The following DDHD2 variants were observed in gnomAD, a reference collection of about 807,000 sequenced individuals.
The protein encoded by DDHD2 is triacylglycerol hydrolase DDHD2.
DDHD2 carries 62 observed loss-of-function variants against 91.2 expected under a neutral mutation model. The observed-to-expected ratio is 0.68, with a 90% CI of 0.55 to 0.84. DDHD2 has a LOEUF of 0.84. Among genes scored for constraint, DDHD2 ranks in the 40% least tolerant of loss-of-function variants. The probability of loss-of-function intolerance (pLI) is 0.00; values close to 1 mark genes in which losing one functional copy is unlikely to be tolerated. For missense variants in DDHD2, 740 were observed against 846.9 expected (o/e 0.87, Z 1.57); for synonymous variants, 271 against 293.9 (o/e 0.92, Z 0.80).
At chr8:38,264,671 C>T, downstream of DDHD2, 1 of 1,469,754 alleles carries the variant, frequency 6.8e-7, no homozygotes, top group South Asian at 1.4e-5. Context: ...ATACACATAG[C>T]ATAGAGGACC....
At position 38,260,147 on chromosome 8, in the gene DDHD2, T is replaced by G. The variant is rs955416775; in HGVS notation, c.*26T>G. The G allele has an allele frequency of 6.7e-7, 1 of 1,493,512 alleles. No homozygotes were observed. The highest frequency in any genetic ancestry group is 1.4e-5 in the African/African-American group (1 of 72,344). 92.5% of individuals were successfully genotyped at this position (1,493,512 alleles called of 1,614,324 possible). On this transcript the variant is annotated splice_region_variant and 3_prime_UTR_variant, in exon 17 of 18. Coordinates refer to ENST00000397166, the MANE Select transcript of DDHD2 (RefSeq NM_015214.3). ...AAATGACCCATCTATGGCTGCTTAATGTAAGTTTTAAAATGTCATATATAT... is the reference window on the plus strand; with the variant it reads ...AAATGACCCATCTATGGCTGCTTAAGGTAAGTTTTAAAATGTCATATATAT...
At chr8:38,270,270 G>A (rs535118795) in intron 1 of DDHD2, 1 of 152,162 alleles carries the variant, frequency 6.6e-6, no homozygotes, top group South Asian at 2.1e-4. Flanking sequence ...GATCTACAAA[G>A]TTTATTACAG....
downstream of DDHD2, chr8:38,266,043 C>G (rs1807533576): frequency 9.0e-7 from 1 of 1,114,574 alleles, no homozygotes; most frequent in Admixed American, 2.6e-5. Flanking sequence ...TTAATTTGTT[C>G]ATTCAGCAGA....
chr8:38,266,872 A>T (rs1434538854), downstream of DDHD2: 2 of 261,448 alleles, frequency 7.6e-6, no homozygotes, highest in Non-Finnish European at 1.4e-5. Context: ...TAGTTTCCTC[A>T]TCTATAAATG....
chr8:38,264,229 C>T (rs1032949633), downstream of DDHD2: 55 of 822,376 alleles, frequency 6.7e-5, no homozygotes, highest in Non-Finnish European at 8.3e-5. Flanking sequence ...CTCACTGGAA[C>T]CTCCAGCTCC....
In DDHD2 at chr8:38,238,221, C is replaced by G. The variant is rs185403049; in HGVS notation, c.622+12C>G. On this transcript the variant is annotated intron_variant, in intron 5 of 17. Transcript: ENST00000397166. Reference sequence around the variant, plus strand: ...TGACATTCATTGTGGTAATGTTAATCGTTTATTTTTTCTTACCTTTGGATG... The same window carrying G: ...TGACATTCATTGTGGTAATGTTAATGGTTTATTTTTTCTTACCTTTGGATG... 1 of 1,612,958 alleles carries G rather than the reference C, an allele frequency of 6.2e-7. No homozygotes were observed. The highest frequency in any genetic ancestry group is 8.5e-7 in the Non-Finnish European group (1 of 1,179,320).
At chr8:38,246,025 T>G in intron 8 of DDHD2, 75 bp downstream of exon 8, 2 of 1,433,038 alleles carry the variant, frequency 1.4e-6, no homozygotes, top group Non-Finnish European at 1.9e-6. Context: ...GCACAATGTC[T>G]TTTATCAGTA....
intron 3 of DDHD2, among the ~76,000 whole-genome samples, chr8:38,237,203 C>A (rs1416203432): frequency 1.3e-5 from 2 of 151,902 alleles, no homozygotes; most frequent in Non-Finnish European, 2.9e-5. Flanking sequence ...TGGCCAAACC[C>A]CGTATCTACT....
Position 38,245,722 on chromosome 8 carries a change from ATTATT to A in DDHD2, c.849-17_849-13del. 6 of 1,610,450 alleles carry A rather than the reference ATTATT, an allele frequency of 3.7e-6. No homozygotes were observed. Among genetic ancestry groups the A allele is most frequent in the Non-Finnish European group, 5.1e-6 (6 of 1,177,830 alleles). ...AAGTGTATTTAGGTTTCCTGCTTAT[ATTATT>A]TTTCCTTTTTTCAGAGATCTGCAGC... On this transcript the variant is annotated splice_polypyrimidine_tract_variant and intron_variant, in intron 7 of 17. Coordinates refer to ENST00000397166, the MANE Select transcript of DDHD2 (RefSeq NM_015214.3).
At chr8:38,235,662 G>T (rs1220728565) in intron 3 of DDHD2, among the ~76,000 whole-genome samples, 1 of 151,176 alleles carries the variant, frequency 6.6e-6, no homozygotes. Context: ...TGGAGGTTGT[G>T]GTGAGTGGAG....
intron 16 of DDHD2, among the ~76,000 whole-genome samples, chr8:38,256,261 T>C (rs1806502537): frequency 6.6e-6 from 1 of 152,202 alleles, no homozygotes; most frequent in South Asian, 2.1e-4. Context: ...GTATTTGGAA[T>C]CCTACAGTAT....
downstream of DDHD2, chr8:38,266,852 G>T: frequency 4.3e-6 from 1 of 233,176 alleles, no homozygotes; most frequent in South Asian, 8.4e-5. Context: ...GTATCAACTT[G>T]TTGATGCTTT....
chr8:38,256,387 A>G (rs1471320002), intron 16 of DDHD2, among the ~76,000 whole-genome samples: 1 of 151,790 alleles, frequency 6.6e-6, no homozygotes, highest in African/African-American at 2.4e-5. Flanking sequence ...ACTGTTGCCT[A>G]GATCTCTGGG....
chr8:38,255,954 C>T (rs1299278066), intron 16 of DDHD2, among the ~76,000 whole-genome samples: 2 of 152,108 alleles, frequency 1.3e-5, no homozygotes, highest in South Asian at 2.1e-4. Context: ...CAATAATGTA[C>T]GAAAGTGTGT....
Position 38,255,510 on chromosome 8 carries a change from A to G in DDHD2, c.2054+1792A>G, listed in dbSNP as rs1477102613. Among the ~76,000 whole-genome samples, 4 of 152,336 alleles carry G rather than the reference A, an allele frequency of 2.6e-5. No homozygotes were observed. The East Asian group carries it at 7.7e-4, about 29-fold the overall frequency. On this transcript the variant is annotated intron_variant, in intron 16 of 17. Transcript: ENST00000397166. ...TTCTTGCAATCAGTTTCTTCCCCAT[A>G]TACAACTAATGTAAAATGTCTTCCA... is the stretch of plus-strand genomic sequence containing the variant.
downstream of DDHD2, chr8:38,266,208 C>T (rs1807557326): frequency 1.7e-5 from 27 of 1,613,826 alleles, no homozygotes; most frequent in Non-Finnish European, 2.2e-5. Flanking sequence ...GTAGAGGTGA[C>T]AGAAAGGCAC....
downstream of DDHD2, chr8:38,264,313 T>G: frequency 1.2e-6 from 1 of 812,960 alleles, no homozygotes; most frequent in South Asian, 2.7e-5. Context: ...GGCTAATTTT[T>G]GTATTTTTAG....
exon 2 of DDHD2, chr8:38,271,293 A>T (rs1242195326): frequency 6.6e-6 from 1 of 152,186 alleles, no homozygotes; most frequent in African/African-American, 2.4e-5. Flanking sequence ...AAAAGAAACT[A>T]AAATAAGGAG....
At chr8:38,253,861 C>A in intron 16 of DDHD2, 143 bp downstream of exon 16, 1 of 805,154 alleles carries the variant, frequency 1.2e-6, no homozygotes, top group Non-Finnish European at 2.0e-6. Flanking sequence ...GGGAGGATTG[C>A]TTGAGTTCAG....
Sources: allele counts gnomAD v4.1 joint callset (sites outside exome capture counted in the v4.1 genomes callset), GRCh38; gene constraint gnomAD v4.1.1; transcripts MANE v1.5; gene names NCBI Gene and HGNC (gene_info 2026-07-23, HGNC 2026-07-21).